The following STAT1 variants were observed in gnomAD, a reference collection of about 807,000 sequenced individuals.
The protein encoded by STAT1 is signal transducer and activator of transcription 1.
Under a neutral mutation model 111.7 loss-of-function variants are expected in STAT1, and 24 were observed. The ratio of observed to expected loss-of-function variants is 0.21; its 90% confidence interval spans 0.16 to 0.30. The LOEUF (loss-of-function observed/expected upper bound fraction) is 0.30, where lower values mean the gene tolerates loss of function less well. Among genes scored for constraint, STAT1 ranks in the 10% least tolerant of loss-of-function variants. STAT1 has a pLI of 1.00. For missense variants in STAT1, 351 were observed against 911.9 expected, an observed-to-expected ratio of 0.38 and a Z score of 7.92; for synonymous variants, 332 against 326.5, an observed-to-expected ratio of 1.02 and a Z score of -0.18.
Position 190,986,830 on chromosome 2 carries a change from T to C in STAT1, c.1221+24A>G, listed in dbSNP as rs188574418. On this transcript the variant is annotated intron_variant, in intron 14 of 24. Coordinates refer to ENST00000361099, the MANE Select transcript of STAT1 (RefSeq NM_007315.4). The surrounding 1 kb of genome is among the most constrained non-coding windows in gnomAD (Gnocchi z 5.0). ...AAGTCCTAAGAAACCAGAGACAACA[T>C]AGAGAGGAAACTGATGTCCCTACCA... is the stretch of plus-strand genomic sequence containing the variant. 78 of 1,606,000 alleles carry C rather than the reference T, an allele frequency of 4.9e-5. No homozygotes were observed. Among genetic ancestry groups the C allele is most frequent in the Admixed American group, 6.7e-5 (4 of 60,016 alleles).
chr2:191,007,911 G>A lies in STAT1; in HGVS notation c.274-250C>T. 5 of 554,102 alleles carry A rather than the reference G, an allele frequency of 9.0e-6. No individual in the cohort carries two copies. Among genetic ancestry groups the A allele is most frequent in the South Asian group, 6.7e-5 (4 of 59,734 alleles). The allele number at this position is 554,102 out of a possible 1,614,324, so 34.3% of individuals were successfully genotyped here. On this transcript the variant is annotated intron_variant, in intron 4 of 24. Coordinates refer to ENST00000361099, the MANE Select transcript of STAT1 (RefSeq NM_007315.4). This position sits in a 1 kb window ranked among gnomAD's most constrained non-coding sequence, Gnocchi z 4.2. ...TTAAAAACAAGTATTTTCACATATG[G>A]TTCACATAATATTTTTACTTTAATA...
Position 190,995,531 on chromosome 2 carries a change from C to T in STAT1, c.786-312G>A, listed in dbSNP as rs2125063977. Among the ~76,000 whole-genome samples, 1 of 152,268 alleles carries T rather than the reference C, an allele frequency of 6.6e-6. No individual in the cohort carries two copies. The highest frequency in any genetic ancestry group is 1.9e-4 in the East Asian group (1 of 5,174). ...TGAGACTTACTCACTACCATGAGAA[C>T]AGTATTGGGGGAACCACCCCCATGA... On this transcript the variant is annotated intron_variant, in intron 9 of 24. Transcript: ENST00000361099. This position sits in a 1 kb window ranked among gnomAD's most constrained non-coding sequence, Gnocchi z 4.2.
Position 190,987,091 on chromosome 2 carries a change from C to T in STAT1, c.1098-23G>A, listed in dbSNP as rs1403324970. 6.4e-6 allele frequency: 10 copies of T among 1,562,562 alleles called. No homozygotes were observed. Among genetic ancestry groups the T allele is most frequent in the Non-Finnish European group, 8.8e-6 (10 of 1,135,234 alleles). Reference sequence around the variant, plus strand: ...TCTCTGCAAAAAAAATATATATAATCACATATGCGTATTTAAAATTTGAAA... The same window carrying T: ...TCTCTGCAAAAAAAATATATATAATTACATATGCGTATTTAAAATTTGAAA... On this transcript the variant is annotated intron_variant, in intron 12 of 24. Coordinates refer to ENST00000361099, the MANE Select transcript of STAT1 (RefSeq NM_007315.4). The surrounding 1 kb of genome is among the most constrained non-coding windows in gnomAD (Gnocchi z 4.0).
Position 190,983,757 on chromosome 2 carries a change from A to C in STAT1, c.1348-17T>G, listed in dbSNP as rs758685506. ...AGAGGTCGTCTAAAGGATGACAAAG[A>C]CCTTGAAATCATCTGAATCACAGAA... On this transcript the variant is annotated splice_polypyrimidine_tract_variant and intron_variant, in intron 16 of 24. Coordinates refer to ENST00000361099, the MANE Select transcript of STAT1 (RefSeq NM_007315.4). The surrounding 1 kb of genome is among the most constrained non-coding windows in gnomAD (Gnocchi z 5.7). The C allele has an allele frequency of 6.2e-7, 1 of 1,606,878 alleles. No homozygotes were observed. Among genetic ancestry groups the C allele is most frequent in the South Asian group, 1.1e-5 (1 of 90,942 alleles).
rs1425685735 is a variant in STAT1, at chr2:191,004,148, C to T, written c.373-2985G>A. 6.6e-6 allele frequency among the ~76,000 whole-genome samples: 1 copy of T among 152,172 alleles called. No individual in the cohort carries two copies. Among genetic ancestry groups the T allele is most frequent in the Non-Finnish European group, 1.5e-5 (1 of 68,022 alleles). On this transcript the variant is annotated intron_variant, in intron 5 of 24. Coordinates refer to ENST00000361099, the MANE Select transcript of STAT1 (RefSeq NM_007315.4). The surrounding 1 kb of genome is among the most constrained non-coding windows in gnomAD (Gnocchi z 5.0). Reference sequence around the variant, plus strand: ...CTTCCACTCATCCCTCCCTGCTTCCCTCCACCCTGCCCCCATCTGCTAAGC... The same window carrying T: ...CTTCCACTCATCCCTCCCTGCTTCCTTCCACCCTGCCCCCATCTGCTAAGC...
In STAT1 at chr2:190,999,797, C is replaced by T. The variant is rs2125075573; in HGVS notation, c.463-93G>A. The T allele has an allele frequency of 1.2e-6, 1 of 852,606 alleles. No homozygotes were observed. The highest frequency in any genetic ancestry group is 2.0e-6 in the Non-Finnish European group (1 of 510,836). 52.8% of individuals were successfully genotyped at this position (852,606 alleles called of 1,614,324 possible). ...ATTGCTTCTATGGAACCCAGAGAAA[C>T]ACGAAAACAATTCCATCTCCCCCAA... On this transcript the variant is annotated intron_variant, in intron 6 of 24. Coordinates refer to ENST00000361099, the MANE Select transcript of STAT1 (RefSeq NM_007315.4). The surrounding 1 kb of genome is among the most constrained non-coding windows in gnomAD (Gnocchi z 4.1).
chr2:191,005,601 T>A (rs1419899312), intron 5 of STAT1, among the ~76,000 whole-genome samples: 1 of 152,200 alleles, frequency 6.6e-6, no homozygotes, highest in Non-Finnish European at 1.5e-5. Context: ...TATGGTAGGT[T>A]ATACCACCTG....
rs776177724 is a variant in STAT1, at chr2:190,978,815, C to T, written c.1873+41G>A. ...GGCGGCGATGAAGAGGGACTTCACA[C>T]ACATGGAATGGTGGGACTATGTGCT... is the stretch of plus-strand genomic sequence containing the variant. On this transcript the variant is annotated intron_variant, in intron 21 of 24. Transcript: ENST00000361099. This position sits in a 1 kb window ranked among gnomAD's most constrained non-coding sequence, Gnocchi z 6.1. 4.2e-5 allele frequency: 67 copies of T among 1,611,082 alleles called. No individual in the cohort carries two copies. The highest frequency in any genetic ancestry group is 5.6e-5 in the Non-Finnish European group (66 of 1,179,128).
chr2:191,012,890 TGTCTG>T lies in STAT1; in HGVS notation c.-2+630_-2+634del, dbSNP rs1695247627. On this transcript the variant is annotated intron_variant, in intron 2 of 24. Transcript: ENST00000361099. The surrounding 1 kb of genome is among the most constrained non-coding windows in gnomAD (Gnocchi z 4.0). ...ACAAAAGCCCCTTCTTTCATAAAGT[TGTCTG>T]AGACTTACTCACAATTAAGCTTTCT... Among the ~76,000 whole-genome samples, 1 of 152,244 alleles carries T rather than the reference TGTCTG, an allele frequency of 6.6e-6. No homozygotes were observed. Among genetic ancestry groups the T allele is most frequent in the South Asian group, 2.1e-4 (1 of 4,838 alleles).
chr2:190,990,868 T>G lies in STAT1; in HGVS notation c.1037+360A>C, dbSNP rs1693270616. ...TGTTATAAATCCACATTCATACAGC[T>G]TCTGGGGTTCATAAGGCTCAGGTTA... On this transcript the variant is annotated intron_variant, in intron 11 of 24. Coordinates refer to ENST00000361099, the MANE Select transcript of STAT1 (RefSeq NM_007315.4). This position sits in a 1 kb window ranked among gnomAD's most constrained non-coding sequence, Gnocchi z 5.1. Among the ~76,000 whole-genome samples, 1 of 152,210 alleles carries G rather than the reference T, an allele frequency of 6.6e-6. No homozygotes were observed. Among genetic ancestry groups the G allele is most frequent in the Non-Finnish European group, 1.5e-5 (1 of 68,026 alleles).
At position 191,003,664 on chromosome 2, in the gene STAT1, A is replaced by G. The variant is rs1455960041; in HGVS notation, c.373-2501T>C. Among the ~76,000 whole-genome samples, 2 of 151,430 alleles carry G rather than the reference A, an allele frequency of 1.3e-5. No individual in the cohort carries two copies. Among genetic ancestry groups the G allele is most frequent in the Non-Finnish European group, 2.9e-5 (2 of 67,946 alleles). On this transcript the variant is annotated intron_variant, in intron 5 of 24. Transcript: ENST00000361099. This position sits in a 1 kb window ranked among gnomAD's most constrained non-coding sequence, Gnocchi z 4.0. ...TAAGTTTCCTGAGGCCTCCCCAGAA[A>G]CTGAGCAGATGCCAGCACCATGCTT...
intron 12 of STAT1, among the ~76,000 whole-genome samples, chr2:190,988,838 C>T (rs961122079): frequency 1.2e-4 from 16 of 128,462 alleles, no homozygotes; most frequent in African/African-American, 4.7e-4. Flanking sequence ...TCTGAATGAT[C>T]ATAAATCATT....
At chr2:191,011,976 C>G (rs1487979447) in intron 2 of STAT1, among the ~76,000 whole-genome samples, 1 of 151,936 alleles carries the variant, frequency 6.6e-6, no homozygotes, top group Non-Finnish European at 1.5e-5. Context: ...GTCTCAAACA[C>G]CTGACCTCAG....
chr2:190,986,758 G>T lies in STAT1; in HGVS notation c.1221+96C>A, dbSNP rs946476116. The stretch of plus-strand genomic sequence containing the variant: ...AAAGTCTACAAACCCCAGCAGGGGG[G>T]CGTCCTCCACATGGCAATGTGCCAA... On this transcript the variant is annotated intron_variant, in intron 14 of 24. Transcript: ENST00000361099. The surrounding 1 kb of genome is among the most constrained non-coding windows in gnomAD (Gnocchi z 5.0). 9 of 1,183,070 alleles carry T rather than the reference G, an allele frequency of 7.6e-6. No individual in the cohort carries two copies. Among genetic ancestry groups the T allele is most frequent in the South Asian group, 1.2e-5 (1 of 82,020 alleles). 73.3% of individuals were successfully genotyped at this position (1,183,070 alleles called of 1,614,324 possible).
rs1574659179 is a variant in STAT1 at position 190,996,544 on chromosome 2, G to A, written c.785+1312C>T. On this transcript the variant is annotated intron_variant, in intron 9 of 24. Transcript: ENST00000361099. The surrounding 1 kb of genome is among the most constrained non-coding windows in gnomAD (Gnocchi z 4.5). ...TCCTGTGGTCTAGGAGGACCACTAGGGGGCTCTAAACACCCCAGGGCCTCC... is the reference window on the plus strand; with the variant it reads ...TCCTGTGGTCTAGGAGGACCACTAGAGGGCTCTAAACACCCCAGGGCCTCC... Among the ~76,000 whole-genome samples the A allele has an allele frequency of 6.6e-6, 1 of 152,118 alleles. No individual in the cohort carries two copies. The highest frequency in any genetic ancestry group is 2.4e-5 in the African/African-American group (1 of 41,416).
In STAT1 at chr2:190,979,979, C is replaced by T. The variant is rs1057227539; in HGVS notation, c.1633-113G>A. On this transcript the variant is annotated intron_variant, in intron 19 of 24. Transcript: ENST00000361099. The surrounding 1 kb of genome is among the most constrained non-coding windows in gnomAD (Gnocchi z 5.8). ...CCCAGGTGCCAAGGATGGAACTGTC[C>T]CATTCAGCACAGCAATGGGATCCCT... 1.4e-6 allele frequency: 1 copy of T among 734,130 alleles called. No homozygotes were observed. The highest frequency in any genetic ancestry group is 2.4e-6 in the Non-Finnish European group (1 of 415,036). The allele number at this position is 734,130 out of a possible 1,614,324, so 45.5% of individuals were successfully genotyped here. A position where few individuals can be genotyped will look rare whatever the true frequency, so the allele number is the denominator to read the frequency against.
At position 190,994,928 on chromosome 2, in the gene STAT1, ATATATATATATAT is replaced by A. The variant is rs1360561796; in HGVS notation, c.944+120_944+132del. Reference sequence around the variant, plus strand: ...AGACTCTATCTCAAAAAAAAAAAAAATATATATATATATATATATATATATATATAAAAAACAC... The same window carrying A: ...AGACTCTATCTCAAAAAAAAAAAAAAATATATATATATATATAAAAAACAC... On this transcript the variant is annotated intron_variant, in intron 10 of 24. Coordinates refer to ENST00000361099, the MANE Select transcript of STAT1 (RefSeq NM_007315.4). 7.1e-4 allele frequency: 79 copies of A among 111,668 alleles called. 2 individuals are homozygous for A. Among genetic ancestry groups the A allele is most frequent in the African/African-American group, 2.9e-3 (73 of 24,844 alleles). The allele number at this position is 111,668 out of a possible 1,614,324, so 6.9% of individuals were successfully genotyped here.
rs1475502274 is a variant in STAT1, at chr2:190,992,758, T to TCATGGAA, written c.945-1445_945-1439dup. On this transcript the variant is annotated intron_variant, in intron 10 of 24. Coordinates refer to ENST00000361099, the MANE Select transcript of STAT1 (RefSeq NM_007315.4). ...AGCTTCTTAATCTCAGCTGCCATCA[T>TCATGGAA]CATGGAACACAGTTCTACATTCATT... is the stretch of plus-strand genomic sequence containing the variant. The TCATGGAA allele has an allele frequency of 1.7e-4, 133 of 769,964 alleles. No homozygotes were observed. In the African/African-American group the frequency reaches 1.8e-3, roughly 10 times the overall value. 47.7% of individuals were successfully genotyped at this position (769,964 alleles called of 1,614,324 possible). A position where few individuals can be genotyped will look rare whatever the true frequency, so the allele number is the denominator to read the frequency against.
In STAT1 at chr2:190,998,345, A is replaced by C. The variant is rs751828738; in HGVS notation, c.542-37T>G. ...GAGACAGCCAGTAAATATATAAAGA[A>C]GACAAAACCAACAAAAGCCAAGATT... is the stretch of plus-strand genomic sequence containing the variant. On this transcript the variant is annotated intron_variant, in intron 7 of 24. Coordinates refer to ENST00000361099, the MANE Select transcript of STAT1 (RefSeq NM_007315.4). This position sits in a 1 kb window ranked among gnomAD's most constrained non-coding sequence, Gnocchi z 4.1. 3.3e-6 allele frequency: 5 copies of C among 1,511,144 alleles called. No individual in the cohort carries two copies. In the Admixed American group the frequency reaches 6.7e-5, roughly 20 times the overall value. 93.6% of individuals were successfully genotyped at this position (1,511,144 alleles called of 1,614,324 possible). A position where few individuals can be genotyped will look rare whatever the true frequency, so the allele number is the denominator to read the frequency against.
Sources: gnomAD v4.1 joint callset for allele counts (sites outside exome capture counted in the v4.1 genomes callset) on GRCh38, gnomAD v4.1.1 for gene constraint, Gnocchi (gnomAD v3.1) non-coding constraint, MANE v1.5 for transcripts, NCBI Gene and HGNC (gene_info 2026-07-23, HGNC 2026-07-21) for gene names.